The following RASAL1 variants were observed in gnomAD, a reference collection of about 807,000 sequenced individuals.
RASAL1 encodes RAS protein activator like 1.
In RASAL1, 72 loss-of-function variants were observed where a neutral mutation model predicts 96.6. That is an observed-to-expected ratio of 0.75 (90% CI 0.62 to 0.91). The LOEUF (loss-of-function observed/expected upper bound fraction) is 0.91. RASAL1 is among the 40% of genes least tolerant of loss of function. The pLI is 0.00. For missense variants in RASAL1, 1,016 were observed against 1,072.5 expected (o/e 0.95, Z 0.74); for synonymous variants, 405 against 430.4 (o/e 0.94, Z 0.73).
Position 113,129,301 on chromosome 12 carries a change from G to A in RASAL1, c.123-1123C>T, listed in dbSNP as rs1432211576. On this transcript the variant is annotated intron_variant, in intron 2 of 20. Coordinates refer to ENST00000548055, the MANE Select transcript of RASAL1 (RefSeq NM_001301202.2). The surrounding 1 kb of genome is among the most constrained non-coding windows in gnomAD (Gnocchi z 5.0). ...AGTGGGGAGAGACAATGAGGACAAGGACAAGTATTCCAGAAGGCTGGAACA... is the reference window on the plus strand; with the variant it reads ...AGTGGGGAGAGACAATGAGGACAAGAACAAGTATTCCAGAAGGCTGGAACA... 6.6e-6 allele frequency among the ~76,000 whole-genome samples: 1 copy of A among 152,192 alleles called. No individual in the cohort carries two copies. The highest frequency in any genetic ancestry group is 1.9e-4 in the East Asian group (1 of 5,202).
At position 113,116,107 on chromosome 12, in the gene RASAL1, C is replaced by T. The variant is rs147771814; in HGVS notation, c.732-56G>A. 1,333 of 1,434,024 alleles carry T rather than the reference C, an allele frequency of 9.3e-4. 7 individuals are homozygous for T. The African/African-American group carries it at 0.017, about 19-fold the overall frequency. 88.8% of individuals were successfully genotyped at this position (1,434,024 alleles called of 1,614,324 possible). Reference sequence around the variant, plus strand: ...AGATCTGGCCGAACACGATGGCTCACGCCTGTAATCCCAGCATTTTGGGAG... The same window carrying T: ...AGATCTGGCCGAACACGATGGCTCATGCCTGTAATCCCAGCATTTTGGGAG... On this transcript the variant is annotated intron_variant, in intron 8 of 20. Coordinates refer to ENST00000548055, the MANE Select transcript of RASAL1 (RefSeq NM_001301202.2).
In RASAL1 at chr12:113,114,862, A is replaced by C. The variant is rs1442699772; in HGVS notation, c.1119T>G (p.Arg373=). 6.2e-7 allele frequency: 1 copy of C among 1,613,970 alleles called. No homozygotes were observed. ...LHEVLKPVIS[R]VFEEKKYMEL... is the part of the protein sequence containing the mutation. The stretch of plus-strand genomic sequence containing the variant: ...CCATGTACTTCTTCTCCTCAAAGAC[A>C]CGGCTAATCACAGGCTTCAGGACCT... The change falls in exon 12 of 21, where the codon CGT becomes CGG. Residue 373 remains arginine, a synonymous_variant. Coordinates refer to ENST00000548055, the MANE Select transcript of RASAL1 (RefSeq NM_001301202.2).
At position 113,112,819 on chromosome 12, in the gene RASAL1, G is replaced by T. The variant is rs1950919319; in HGVS notation, c.1182-541C>A. Among the ~76,000 whole-genome samples the T allele has an allele frequency of 1.3e-5, 2 of 152,122 alleles. 1 individual carries two copies. Among genetic ancestry groups the T allele is most frequent in the South Asian group, 4.1e-4 (2 of 4,830 alleles). On this transcript the variant is annotated intron_variant, in intron 12 of 20. Coordinates refer to ENST00000548055, the MANE Select transcript of RASAL1 (RefSeq NM_001301202.2). Reference sequence around the variant, plus strand: ...ATACAAAAATTAGCCCAGCGTGGTGGTGCACGCCTATAATCTCAGCTACTT... The same window carrying T: ...ATACAAAAATTAGCCCAGCGTGGTGTTGCACGCCTATAATCTCAGCTACTT...
intron 1 of RASAL1, among the ~76,000 whole-genome samples, chr12:113,134,021 C>T (rs1013289516): frequency 2.0e-5 from 3 of 152,186 alleles, no homozygotes; most frequent in African/African-American, 7.2e-5. Context: ...GTGAGAACCC[C>T]GTTTCTGGAA....
In RASAL1 at chr12:113,135,497, G is replaced by A; in HGVS notation, c.-35C>T. ...CCACAAACTTTCCAGGCAGAAGGGC[G>A]CTCAGGTTCCGAGGCTGGACCAGGG... On this transcript the variant is annotated 5_prime_UTR_variant, in exon 1 of 21. Transcript: ENST00000548055. This position sits in a 1 kb window ranked among gnomAD's most constrained non-coding sequence, Gnocchi z 5.7. The A allele has an allele frequency of 6.4e-7, 1 of 1,566,902 alleles. No individual in the cohort carries two copies. The highest frequency in any genetic ancestry group is 8.7e-7 in the Non-Finnish European group (1 of 1,152,392).
chr12:113,105,112 G>A (rs556233755), intron 16 of RASAL1, among the ~76,000 whole-genome samples: 17 of 152,170 alleles, frequency 1.1e-4, no homozygotes, highest in Non-Finnish European at 5.9e-5. Context: ...CCTTCTCAGC[G>A]TTAGCCGTCA....
intron 7 of RASAL1, among the ~76,000 whole-genome samples, chr12:113,117,445 G>C (rs991734014): frequency 6.6e-6 from 1 of 152,192 alleles, no homozygotes; most frequent in African/African-American, 2.4e-5. Flanking sequence ...GCTAGAGATA[G>C]CATGTCTGGA....
chr12:113,107,892 T>C (rs546332823), intron 14 of RASAL1, among the ~76,000 whole-genome samples, 193 bp downstream of exon 14: 1 of 152,362 alleles, frequency 6.6e-6, no homozygotes, highest in African/African-American at 2.4e-5. Context: ...TGGGTTTTCA[T>C]TCCCAAAGGG....
At chr12:113,105,646 G>A in intron 16 of RASAL1, 68 bp downstream of exon 16, 1 of 1,478,244 alleles carries the variant, frequency 6.8e-7, no homozygotes, top group Non-Finnish European at 9.1e-7. Flanking sequence ...TTCCCCCTGG[G>A]TACAAAGAGG....
chr12:113,121,693 T>C (rs913530607), intron 4 of RASAL1, 55 bp from the exon 5 acceptor site: 8 of 1,572,090 alleles, frequency 5.1e-6, no homozygotes, highest in Non-Finnish European at 6.1e-6. Flanking sequence ...CTGGGCATTG[T>C]GTTAACTTAA....
At chr12:113,104,112 GGTGGGAACAGAGGGACGCCCCCCGC>G (rs1199308378) in intron 17 of RASAL1, 24 bp downstream of exon 17, 1 of 1,583,542 alleles carries the variant, frequency 6.3e-7, no homozygotes, top group Admixed American at 1.7e-5. Context: ...TCAGGGGGCG[GGTGGGAACAGAGGGACGCCCCCCGC>G]TCCCCATCGC....
chr12:113,110,890 G>C (rs1448495665), intron 13 of RASAL1, among the ~76,000 whole-genome samples: 1 of 152,182 alleles, frequency 6.6e-6, no homozygotes, highest in Non-Finnish European at 1.5e-5. Context: ...ACTCCAGCCT[G>C]AGCAACAGAG....
chr12:113,112,716 C>A (rs561393560), intron 12 of RASAL1, among the ~76,000 whole-genome samples: 1 of 152,116 alleles, frequency 6.6e-6, no homozygotes, highest in South Asian at 2.1e-4. Context: ...CTCTGGGAGG[C>A]CGAGGGGGCA....
At chr12:113,134,807 C>T (rs1475806400) in intron 1 of RASAL1, among the ~76,000 whole-genome samples, 1 of 152,174 alleles carries the variant, frequency 6.6e-6, no homozygotes, top group Non-Finnish European at 1.5e-5. Flanking sequence ...GCTCTTCAAG[C>T]AGCTCAGCAC....
Position 113,115,795 on chromosome 12 carries a change from G to T in RASAL1, c.850-7C>A, listed in dbSNP as rs776914173. The T allele has an allele frequency of 5.5e-5, 89 of 1,613,672 alleles. No homozygotes were observed. The Middle Eastern group carries it at 9.9e-4, about 18-fold the overall frequency. ...AGGGGCTAGCAGTGTCCTCCTGGGT[G>T]GGGGCGGGAGACAAAGATGACCTCG... On this transcript the variant is annotated splice_polypyrimidine_tract_variant and splice_region_variant and intron_variant, in intron 9 of 20. Coordinates refer to ENST00000548055, the MANE Select transcript of RASAL1 (RefSeq NM_001301202.2). This position sits in a 1 kb window ranked among gnomAD's most constrained non-coding sequence, Gnocchi z 4.1.
chr12:113,115,256 T>C lies in RASAL1; in HGVS notation c.1012A>G (p.Asn338Asp). 5.6e-6 allele frequency: 9 copies of C among 1,613,484 alleles called. No individual in the cohort carries two copies. The highest frequency in any genetic ancestry group is 7.6e-6 in the Non-Finnish European group (9 of 1,179,416). Residue 338 changes from asparagine (N) to aspartate (D), a missense_variant, in exon 11 of 21, where the codon AAC becomes GAC. Asn to Asp is a conservative substitution (Grantham distance 23). Coordinates refer to ENST00000548055, the MANE Select transcript of RASAL1 (RefSeq NM_001301202.2). This position sits in a 1 kb window ranked among gnomAD's most constrained non-coding sequence, Gnocchi z 4.1. ...AGGGAGTTAGAACGGAAGAGGGTGT[T>C]GGGGTCCACTGGGAGGACAGGAGGA... ...RREVARTMDPNTLFRSNSLAS... is the reference protein window; with the variant it reads ...RREVARTMDPDTLFRSNSLAS...
chr12:113,099,788 C>T lies in RASAL1; in HGVS notation c.*141G>A. The T allele has an allele frequency of 1.6e-6, 2 of 1,257,506 alleles. No individual in the cohort carries two copies. Among genetic ancestry groups the T allele is most frequent in the East Asian group, 2.4e-5 (1 of 42,184 alleles). 77.9% of individuals were successfully genotyped at this position (1,257,506 alleles called of 1,614,324 possible). On this transcript the variant is annotated 3_prime_UTR_variant, in exon 21 of 21. Transcript: ENST00000548055. ...TGCCCTGAGTTCTGGACTCAAGGCA[C>T]ACAGGACTAGGCACGTCTCTGGGAG...
At chr12:113,119,533 T>C (rs1951211865) in intron 5 of RASAL1, 90 bp from the exon 6 acceptor site, 3 of 1,286,662 alleles carry the variant, frequency 2.3e-6, no homozygotes, top group African/African-American at 2.9e-5. Context: ...CCAATGTCGC[T>C]GGTTTCCAAG....
Position 113,105,725 on chromosome 12 carries a change from G to T in RASAL1, c.1819C>A (p.Pro607Thr), listed in dbSNP as rs767551203. 2.5e-6 allele frequency: 4 copies of T among 1,608,836 alleles called. No homozygotes were observed. The highest frequency in any genetic ancestry group is 2.5e-6 in the Non-Finnish European group (3 of 1,176,560). Residue 607 changes from proline (P) to threonine (T), a missense_variant, in exon 16 of 21, where the codon CCT (proline) becomes ACT (threonine). Transcript: ENST00000548055. ...GACTGGAACCCCACCTGCCACTCAG[G>T]ACTCTTGGAGAAGGAGAGGGTCTCC... ...SGETLSFSKSPEWQMCHSIPV... is the reference protein window; with the variant it reads ...SGETLSFSKSTEWQMCHSIPV...
Sources: allele counts gnomAD v4.1 joint callset (sites outside exome capture counted in the v4.1 genomes callset), GRCh38; gene constraint gnomAD v4.1.1; non-coding constraint Gnocchi (gnomAD v3.1); transcripts MANE v1.5; gene names NCBI Gene and HGNC (gene_info 2026-07-23, HGNC 2026-07-21).